Variants in ASTN2 observed in about 807,000 individuals in gnomAD.
ASTN2 encodes the protein astrotactin 2, also known as astrotactin-2.
A neutral mutation model predicts 139.8 loss-of-function variants in ASTN2; 54 were observed. The ratio of observed to expected loss-of-function variants is 0.39; its 90% CI spans 0.31 to 0.48. ASTN2 has a LOEUF of 0.48. Ranked by LOEUF, ASTN2 falls within the 20% of genes least tolerant of loss-of-function variation. The pLI, the probability that ASTN2 is intolerant of heterozygous loss-of-function variation, is 0.95. For missense variants in ASTN2, 1,565 were observed against 1,725.1 expected, an observed-to-expected ratio of 0.91 and a Z score of 1.64; for synonymous variants, 756 against 719.5, an observed-to-expected ratio of 1.05 and a Z score of -0.81.
chr9:116,585,697 C>T (rs1299308053), intron 19 of ASTN2: 1 of 152,104 alleles, frequency 6.6e-6, no homozygotes, highest in Non-Finnish European at 1.5e-5. Context: ...AAATTTAAGT[C>T]CTCCAACTAT....
At chr9:117,358,805 T>C (rs561720954) in intron 1 of ASTN2, among the ~76,000 whole-genome samples, 16 of 152,142 alleles carry the variant, frequency 1.1e-4, no homozygotes, top group Admixed American at 2.6e-4. Flanking sequence ...ATCCCTTACC[T>C]CTGCTTCTCT....
At chr9:117,356,366 G>A (rs1012075080) in intron 1 of ASTN2, among the ~76,000 whole-genome samples, 3 of 152,172 alleles carry the variant, frequency 2.0e-5, no homozygotes, top group Non-Finnish European at 4.4e-5. Context: ...TGACATATGT[G>A]GTGAGATTAT....
intron 4 of ASTN2, among the ~76,000 whole-genome samples, chr9:117,117,895 A>C (rs897750652): frequency 6.6e-6 from 1 of 152,138 alleles, no homozygotes; most frequent in Admixed American, 6.5e-5. Flanking sequence ...CTCTGGGGGT[A>C]AGAGCCACCC....
intron 19 of ASTN2, among the ~76,000 whole-genome samples, chr9:116,497,322 C>G (rs997578733): frequency 6.6e-6 from 1 of 152,142 alleles, no homozygotes; most frequent in Non-Finnish European, 1.5e-5. Context: ...CTAGGACAAA[C>G]TTGTTAGCCT....
At position 116,620,364 on chromosome 9, in the gene ASTN2, A is replaced by G; in HGVS notation, c.3152T>C (p.Leu1051Pro). 1 of 1,614,186 alleles carries G rather than the reference A, an allele frequency of 6.2e-7. No homozygotes were observed. ...DVIDDWCRCD[L>P]SAFDANGLPN... ...GAGCCCATTGGCATCAAAGGCGCTG[A>G]GGTCACACCTGCACCAGTCATCGAT... The change falls in exon 18 of 23, where the codon CTC (leucine) becomes CCC (proline). Residue 1051 changes from leucine (L) to proline (P), a missense_variant. Physicochemically the swap from Leu to Pro is moderately conservative, Grantham distance 98. Transcript: ENST00000313400.
intron 1 of ASTN2, among the ~76,000 whole-genome samples, chr9:117,337,760 A>T (rs1225580769): frequency 1.3e-5 from 2 of 152,156 alleles, no homozygotes; most frequent in East Asian, 3.9e-4. Context: ...AAGTGAAAAC[A>T]CTATATGGGG....
At chr9:116,535,332 CTT>C (rs2119316434) in intron 19 of ASTN2, among the ~76,000 whole-genome samples, 1 of 152,234 alleles carries the variant, frequency 6.6e-6, no homozygotes, top group African/African-American at 2.4e-5. Flanking sequence ...CAATCTGTGT[CTT>C]TTAATTGGAG....
At chr9:116,762,995 A>C (rs2132170935) in intron 13 of ASTN2, among the ~76,000 whole-genome samples, 1 of 152,326 alleles carries the variant, frequency 6.6e-6, no homozygotes, top group African/African-American at 2.4e-5. Context: ...CCAAAGAGAT[A>C]CAGAATAAAA....
chr9:116,781,088 C>T (rs1217946532), intron 13 of ASTN2, among the ~76,000 whole-genome samples: 1 of 152,086 alleles, frequency 6.6e-6, no homozygotes, highest in African/African-American at 2.4e-5. Flanking sequence ...GATCCGCCCA[C>T]CTCGGCCTCC....
intron 19 of ASTN2, among the ~76,000 whole-genome samples, chr9:116,502,313 A>G (rs1052238081): frequency 9.2e-5 from 14 of 151,926 alleles, no homozygotes; most frequent in Non-Finnish European, 1.3e-4. Flanking sequence ...AAAGACACAC[A>G]CTCACACACA....
intron 4 of ASTN2, among the ~76,000 whole-genome samples, chr9:117,122,764 G>T (rs1287726182): frequency 6.6e-6 from 1 of 152,116 alleles, no homozygotes; most frequent in Non-Finnish European, 1.5e-5. Context: ...GTTTATGGAG[G>T]AGGAGGCAAA....
chr9:117,260,054 G>A (rs1334762589), intron 2 of ASTN2, among the ~76,000 whole-genome samples: 1 of 151,472 alleles, frequency 6.6e-6, no homozygotes, highest in Non-Finnish European at 1.5e-5. Flanking sequence ...TCCCTTACTG[G>A]CCCTGTCATC....
chr9:116,489,154 C>A (rs915977144), intron 19 of ASTN2, among the ~76,000 whole-genome samples: 6 of 152,192 alleles, frequency 3.9e-5, no homozygotes, highest in Admixed American at 3.9e-4. Context: ...AAGAACAAGA[C>A]AATGTCATGA....
At chr9:117,329,018 G>A (rs1828612803) in intron 1 of ASTN2, among the ~76,000 whole-genome samples, 1 of 152,140 alleles carries the variant, frequency 6.6e-6, no homozygotes, top group Non-Finnish European at 1.5e-5. Flanking sequence ...GAAGGAAAAT[G>A]TGGCCTCTTG....
intron 16 of ASTN2, among the ~76,000 whole-genome samples, chr9:116,691,970 T>G (rs1860591371): frequency 6.6e-6 from 1 of 152,244 alleles, no homozygotes; most frequent in Admixed American, 6.5e-5. Context: ...ATGCAATATT[T>G]TACATGTTGT....
Position 117,382,490 on chromosome 9 carries a change from G to A in ASTN2, c.442+32007C>T, listed in dbSNP as rs548777213. Reference sequence around the variant, plus strand: ...TTAGGACGGGAAATTAAAGCTCGGGGAGACTAACTTGCCCAAATGCACAGA... The same window carrying A: ...TTAGGACGGGAAATTAAAGCTCGGGAAGACTAACTTGCCCAAATGCACAGA... On this transcript the variant is annotated intron_variant, in intron 1 of 22. Transcript: ENST00000313400. Among the ~76,000 whole-genome samples, 42 of 152,322 alleles carry A rather than the reference G, an allele frequency of 2.8e-4. No homozygotes were observed. The Middle Eastern group carries it at 0.01, about 37-fold the overall frequency.
chr9:116,856,919 A>G (rs10983382), intron 11 of ASTN2, among the ~76,000 whole-genome samples: 46,082 of 152,074 alleles, frequency 0.3, 7,219 homozygotes, highest in South Asian at 0.39. Flanking sequence ...CATCACTCTA[A>G]GACCCAGCGA....
chr9:116,579,807 C>G (rs547334038), intron 19 of ASTN2, among the ~76,000 whole-genome samples: 10 of 152,096 alleles, frequency 6.6e-5, no homozygotes, highest in African/African-American at 2.4e-4. Context: ...CCTCACTGGC[C>G]CTAAGTCACA....
intron 16 of ASTN2, among the ~76,000 whole-genome samples, chr9:116,683,023 T>TAAC (rs1859983129): frequency 1.3e-5 from 1 of 77,890 alleles, no homozygotes; most frequent in Non-Finnish European, 2.4e-5. Flanking sequence ...ACTTAAAGTA[T>TAAC]AATAATAATA....
Sources: gnomAD v4.1 joint callset for allele counts (sites outside exome capture counted in the v4.1 genomes callset) on GRCh38, gnomAD v4.1.1 for gene constraint, MANE v1.5 for transcripts, NCBI Gene and HGNC (gene_info 2026-07-23, HGNC 2026-07-21) for gene names.